The following LRRTM4 variants were observed in gnomAD, a reference collection of about 807,000 sequenced individuals.
LRRTM4 encodes leucine-rich repeat transmembrane neuronal protein 4.
A neutral mutation model predicts 47.6 loss-of-function variants in LRRTM4; 25 were observed. The ratio of observed to expected loss-of-function variants is 0.53; its 90% CI spans 0.38 to 0.73. The LOEUF (loss-of-function observed/expected upper bound fraction) is 0.73, where lower values mean the gene tolerates loss of function less well. Ranked by LOEUF, LRRTM4 falls within the 30% of genes least tolerant of loss-of-function variation. The pLI, the probability that LRRTM4 is intolerant of heterozygous loss-of-function variation, is 0.00. For synonymous variants in LRRTM4, 311 were observed against 269.5 expected (o/e 1.15, Z -1.51); for missense variants, 638 against 713.4 (o/e 0.89, Z 1.20).
chr2:76,753,681 CTA>C (rs1274816040), intron 3 of LRRTM4, among the ~76,000 whole-genome samples: 1 of 151,912 alleles, frequency 6.6e-6, no homozygotes, highest in African/African-American at 2.4e-5. Context: ...TTATAGAGGA[CTA>C]TGTGGAGTTT....
At chr2:77,030,248 C>G (rs1364971580) in intron 3 of LRRTM4, among the ~76,000 whole-genome samples, 1 of 151,932 alleles carries the variant, frequency 6.6e-6, no homozygotes, top group Non-Finnish European at 1.5e-5. Context: ...CTGGCTAACA[C>G]AGTGAAACCC....
intron 3 of LRRTM4, among the ~76,000 whole-genome samples, chr2:76,837,737 C>G (rs1671556412): frequency 6.6e-6 from 1 of 152,070 alleles, no homozygotes; most frequent in African/African-American, 2.4e-5. Flanking sequence ...ACATATACAC[C>G]ATGGAATACT....
chr2:77,157,633 T>G (rs1002401975), intron 3 of LRRTM4, among the ~76,000 whole-genome samples: 3 of 152,176 alleles, frequency 2.0e-5, no homozygotes, highest in African/African-American at 7.2e-5. Flanking sequence ...CATTCTGCAC[T>G]TGACTAGAAA....
chr2:76,953,966 G>A (rs1396468548), intron 3 of LRRTM4, among the ~76,000 whole-genome samples: 1 of 151,792 alleles, frequency 6.6e-6, no homozygotes, highest in Non-Finnish European at 1.5e-5. Flanking sequence ...AACCTCCTGA[G>A]AAAGAAACTG....
chr2:76,927,536 C>G (rs902532791), intron 3 of LRRTM4, among the ~76,000 whole-genome samples: 1 of 152,070 alleles, frequency 6.6e-6, no homozygotes, highest in Non-Finnish European at 1.5e-5. Context: ...TACTGCCTTT[C>G]CTATTGTTAG....
chr2:77,444,958 C>CACACAA (rs1553445534), intron 3 of LRRTM4, among the ~76,000 whole-genome samples: 90 of 143,926 alleles, frequency 6.3e-4, no homozygotes, highest in African/African-American at 2.3e-3. Flanking sequence ...CATACACACA[C>CACACAA]ACACACACAC....
At chr2:77,407,586 GATATATTTGTATACATAATATA>G (rs1674244473) in intron 3 of LRRTM4, among the ~76,000 whole-genome samples, 1 of 141,076 alleles carries the variant, frequency 7.1e-6, no homozygotes, top group Non-Finnish European at 1.5e-5. Flanking sequence ...TACATAATAT[GATATATTTGTATACATAATATA>G]ATATATAATA....
At chr2:77,479,242 T>G (rs530211054) in intron 3 of LRRTM4, among the ~76,000 whole-genome samples, 1 of 152,262 alleles carries the variant, frequency 6.6e-6, no homozygotes, top group East Asian at 1.9e-4. Context: ...CCTAAGCAAT[T>G]TAGTTTCTTT....
At chr2:77,075,075 G>T (rs1026520167) in intron 3 of LRRTM4, among the ~76,000 whole-genome samples, 3 of 152,022 alleles carry the variant, frequency 2.0e-5, no homozygotes, top group Admixed American at 6.5e-5. Context: ...AAAAATTTAA[G>T]ATTTATTTTA....
At chr2:76,795,796 AAAAGT>A (rs778354732) in intron 3 of LRRTM4, among the ~76,000 whole-genome samples, 35 of 152,054 alleles carry the variant, frequency 2.3e-4, no homozygotes, top group Non-Finnish European at 4.1e-4. Flanking sequence ...ATCAGAAAAG[AAAAGT>A]GAAGGGAGGA....
At chr2:77,072,777 C>T (rs1330928036) in intron 3 of LRRTM4, among the ~76,000 whole-genome samples, 6 of 116,228 alleles carry the variant, frequency 5.2e-5, no homozygotes, top group South Asian at 2.8e-4. Context: ...CCAGCCTGGG[C>T]GACAGAGTGA....
chr2:77,072,800 C>CAAAAAAAAACA (rs1680199809), intron 3 of LRRTM4, among the ~76,000 whole-genome samples: 1 of 78,742 alleles, frequency 1.3e-5, no homozygotes, highest in Non-Finnish European at 2.3e-5. Context: ...CTCCGTCTTC[C>CAAAAAAAAACA]AAAAAAAAAA....
chr2:77,345,415 T>G (rs1488962463), intron 3 of LRRTM4, among the ~76,000 whole-genome samples: 1 of 151,906 alleles, frequency 6.6e-6, no homozygotes, highest in Non-Finnish European at 1.5e-5. Context: ...AAAGAACTTT[T>G]GTGAAGAATA....
chr2:77,190,583 C>A (rs2010890), intron 3 of LRRTM4, among the ~76,000 whole-genome samples: 104,847 of 151,282 alleles, frequency 0.69, 36,978 homozygotes, highest in African/African-American at 0.85. Context: ...TACAGACGTG[C>A]ACCACCGCAC....
At chr2:77,381,132 A>G (rs1045568175) in intron 3 of LRRTM4, among the ~76,000 whole-genome samples, 4 of 152,104 alleles carry the variant, frequency 2.6e-5, no homozygotes, top group African/African-American at 9.7e-5. Context: ...CAATAAACCT[A>G]TTCTTTTCTG....
chr2:77,435,506 T>C (rs929172858), intron 3 of LRRTM4, among the ~76,000 whole-genome samples: 1 of 152,148 alleles, frequency 6.6e-6, no homozygotes, highest in African/African-American at 2.4e-5. Flanking sequence ...TTATATAAAA[T>C]GATTATAATG....
intron 3 of LRRTM4, among the ~76,000 whole-genome samples, chr2:77,413,530 T>C (rs1674520693): frequency 6.6e-6 from 1 of 152,226 alleles, no homozygotes; most frequent in African/African-American, 2.4e-5. Flanking sequence ...CATTGTTACC[T>C]GTGGAATGGA....
chr2:77,206,405 G>C (rs917705500), intron 3 of LRRTM4, among the ~76,000 whole-genome samples: 1 of 151,578 alleles, frequency 6.6e-6, no homozygotes, highest in African/African-American at 2.4e-5. Context: ...GGCTGGTCTT[G>C]AACTCCTGAC....
chr2:77,042,524 G>A (rs1679068608), intron 3 of LRRTM4, among the ~76,000 whole-genome samples: 1 of 151,452 alleles, frequency 6.6e-6, no homozygotes, highest in Non-Finnish European at 1.5e-5. Context: ...AACCAAACTG[G>A]AATTATAACA....
Sources: gnomAD v4.1 joint callset for allele counts (sites outside exome capture counted in the v4.1 genomes callset) on GRCh38, gnomAD v4.1.1 for gene constraint, MANE v1.5 for transcripts, NCBI Gene and HGNC (gene_info 2026-07-23, HGNC 2026-07-21) for gene names.